JAG2: variants seen among roughly 807,000 people sequenced by gnomAD.
JAG2 encodes the protein protein jagged-2.
JAG2 carries 46 observed loss-of-function variants against 141.7 expected under a neutral mutation model. The ratio of observed to expected loss-of-function variants is 0.32; its 90% CI spans 0.26 to 0.42. The LOEUF (loss-of-function observed/expected upper bound fraction) is 0.42, where lower values mean the gene tolerates loss of function less well. Among genes scored for constraint, JAG2 ranks in the 10% least tolerant of loss-of-function variants. The pLI is 1.00. For missense variants in JAG2, 1,500 were observed against 1,817.5 expected, an observed-to-expected ratio of 0.83 and a Z score of 3.18; for synonymous variants, 862 against 763.5, an observed-to-expected ratio of 1.13 and a Z score of -2.13.
In JAG2 at chr14:105,159,421, G is replaced by A. The variant is rs587620457; in HGVS notation, c.418-1658C>T. Among the ~76,000 whole-genome samples, 4 of 151,606 alleles carry A rather than the reference G, an allele frequency of 2.6e-5. No individual in the cohort carries two copies. The East Asian group carries it at 7.8e-4, about 30-fold the overall frequency. ...CCCTTAAACCCGTTTTCCCACATCC[G>A]CCATGGCCCCGCCAGGCCACGGGGC... On this transcript the variant is annotated intron_variant, in intron 2 of 25. Transcript: ENST00000331782.
chr14:105,163,996 C>T (rs1006717362), intron 2 of JAG2, among the ~76,000 whole-genome samples: 2 of 152,108 alleles, frequency 1.3e-5, no homozygotes, highest in Admixed American at 1.3e-4. Flanking sequence ...CACCCCTTCA[C>T]TGGCCTAGCT....
In JAG2 at chr14:105,154,090, C is replaced by T. The variant is rs587605682; in HGVS notation, c.788+1472G>A. Among the ~76,000 whole-genome samples the T allele has an allele frequency of 7.9e-5, 12 of 152,250 alleles. No individual in the cohort carries two copies. Among genetic ancestry groups the T allele is most frequent in the African/African-American group, 2.9e-4 (12 of 41,532 alleles). On this transcript the variant is annotated intron_variant, in intron 5 of 25. Transcript: ENST00000331782. This position sits in a 1 kb window ranked among gnomAD's most constrained non-coding sequence, Gnocchi z 4.4. ...GGCCGGGAAAGCTCCTCACTGTACC[C>T]TCCAGGCCACTCAACCGTGGGGCCT... is the stretch of plus-strand genomic sequence containing the variant.
Position 105,161,393 on chromosome 14 carries a change from C to T in JAG2, c.418-3630G>A, listed in dbSNP as rs79841359. On this transcript the variant is annotated intron_variant, in intron 2 of 25. Transcript: ENST00000331782. ...GCAGGCAGAGAAAAGCCAGGCCACC[C>T]GGTCTCCCGGCACAGCCACACCTGG... Among the ~76,000 whole-genome samples the T allele has an allele frequency of 2.0e-3, 300 of 152,284 alleles. 1 individual carries two copies. The highest frequency in any genetic ancestry group is 6.5e-3 in the African/African-American group (271 of 41,538).
chr14:105,162,085 G>A (rs1475129232), intron 2 of JAG2, among the ~76,000 whole-genome samples: 1 of 152,178 alleles, frequency 6.6e-6, no homozygotes, highest in South Asian at 2.1e-4. Flanking sequence ...AATAGGCGAT[G>A]TGTGGGCTGG....
chr14:105,166,969 C>T (rs1888931190), intron 2 of JAG2, among the ~76,000 whole-genome samples: 1 of 152,156 alleles, frequency 6.6e-6, no homozygotes, highest in Non-Finnish European at 1.5e-5. Flanking sequence ...GGCCTGCCCA[C>T]CTACCACTAC....
rs758086700 is a variant in JAG2, at chr14:105,142,742, G to T, written c.3670C>A (p.Arg1224Ser). 1 of 1,609,356 alleles carries T rather than the reference G, an allele frequency of 6.2e-7. No homozygotes were observed. Among genetic ancestry groups the T allele is most frequent in the Non-Finnish European group, 8.5e-7 (1 of 1,178,536 alleles). The change falls in exon 26 of 26, where the codon CGC becomes AGC. Residue 1224 changes from arginine to serine, a missense_variant. Transcript: ENST00000331782. ...HWASGPKVDN[R>S]AVRSINEARY... ...GCCTCATTGATGCTCCTGACCGCGCGGTTGTCCACTTTGGGGCCTGAGGCC... is the reference window on the plus strand; with the variant it reads ...GCCTCATTGATGCTCCTGACCGCGCTGTTGTCCACTTTGGGGCCTGAGGCC...
Position 105,145,058 on chromosome 14 carries a change from T to C in JAG2, c.2956A>G (p.Thr986Ala). The change falls in exon 24 of 26, where the codon ACC (threonine) becomes GCC (alanine). Residue 986 changes from threonine (T) to alanine (A), a missense_variant. Thr to Ala is a moderately conservative substitution (Grantham distance 58). Around this residue, in one of 3 missense-constraint regions of JAG2, gnomAD observed 425 missense variants for 441.0 expected, o/e 0.96. Transcript: ENST00000331782. Reference protein sequence around the residue: ...HFNRDHVPQGTTVGAICSGIR... With the variant: ...HFNRDHVPQGATVGAICSGIR... ...CCGGAGCAAATGGCGCCCACCGTGG[T>C]GCCCTGGGCAGAGACAGGCAGTGCG... 6.2e-7 allele frequency: 1 copy of C among 1,609,872 alleles called. No homozygotes were observed. The highest frequency in any genetic ancestry group is 8.5e-7 in the Non-Finnish European group (1 of 1,179,732).
At chr14:105,160,530 C>T (rs958184108) in intron 2 of JAG2, among the ~76,000 whole-genome samples, 1 of 151,776 alleles carries the variant, frequency 6.6e-6, no homozygotes, top group African/African-American at 2.4e-5. Flanking sequence ...GCCAGCGGGG[C>T]TCGGGGAAAG....
At position 105,152,231 on chromosome 14, in the gene JAG2, C is replaced by T. The variant is rs764900500; in HGVS notation, c.849G>A (p.Val283=). 6.2e-7 allele frequency: 1 copy of T among 1,613,606 alleles called. No individual in the cohort carries two copies. Among genetic ancestry groups the T allele is most frequent in the Non-Finnish European group, 8.5e-7 (1 of 1,180,014 alleles). The change falls in exon 6 of 26, where the codon GTG becomes GTA. Residue 283 remains valine (V), a synonymous_variant. Transcript: ENST00000331782. The part of the protein sequence containing the change: ...CDECVPYPGC[V]HGSCVEPWQC... ...GCCAGGGCTCCACACAACTGCCATGCACGCAGCCGGGGTAGGGGACACACT... is the reference window on the plus strand; with the variant it reads ...GCCAGGGCTCCACACAACTGCCATGTACGCAGCCGGGGTAGGGGACACACT...
intron 2 of JAG2, among the ~76,000 whole-genome samples, chr14:105,165,564 G>A (rs1183821431): frequency 6.6e-6 from 1 of 152,190 alleles, no homozygotes; most frequent in African/African-American, 2.4e-5. Context: ...GACCAGCACA[G>A]ATCCATGACT....
chr14:105,152,106 C>A, intron 6 of JAG2, 49 bp from the exon 7 acceptor site: 1 of 1,613,396 alleles, frequency 6.2e-7, no homozygotes, highest in Non-Finnish European at 8.5e-7. Context: ...CCCCCGCTCC[C>A]CCACAACCCA....
chr14:105,167,328 A>G lies in JAG2; in HGVS notation c.417+429T>C, dbSNP rs937736791. 6.6e-6 allele frequency among the ~76,000 whole-genome samples: 1 copy of G among 151,990 alleles called. No individual in the cohort carries two copies. The highest frequency in any genetic ancestry group is 1.5e-5 in the Non-Finnish European group (1 of 67,944). Reference sequence around the variant, plus strand: ...GCCCCCCAGGCATCCAGGAAACTGCAGGGCAGGCGCAGGCTGGCCACGGGC... The same window carrying G: ...GCCCCCCAGGCATCCAGGAAACTGCGGGGCAGGCGCAGGCTGGCCACGGGC... On this transcript the variant is annotated intron_variant, in intron 2 of 25. Coordinates refer to ENST00000331782, the MANE Select transcript of JAG2 (RefSeq NM_002226.5). The surrounding 1 kb of genome is among the most constrained non-coding windows in gnomAD (Gnocchi z 4.8).
At chr14:105,144,798 A>G in intron 24 of JAG2, 132 bp downstream of exon 24, 3 of 1,201,956 alleles carry the variant, frequency 2.5e-6, no homozygotes, top group Non-Finnish European at 3.5e-6. Context: ...GAGGGGCCGC[A>G]GGGAGACAGG....
At chr14:105,168,172 G>C in intron 1 of JAG2, 65 bp from the exon 2 acceptor site, 8 of 1,370,856 alleles carry the variant, frequency 5.8e-6, no homozygotes, top group Non-Finnish European at 7.5e-6. Context: ...CGGGCGCCAG[G>C]GGTGGGGGAA....
At chr14:105,161,200 TGGGG>T in intron 2 of JAG2, among the ~76,000 whole-genome samples, 1 of 111,008 alleles carries the variant, frequency 9.0e-6, no homozygotes, top group South Asian at 3.2e-4. Flanking sequence ...GGTCTGTTGT[TGGGG>T]GTCTGAGTGA....
rs1355995302 is a variant in JAG2, at chr14:105,158,133, C to T, written c.418-370G>A. ...TGGCTGGAGTGGCCACAGACAGGGG[C>T]CCCATGGGCAGCCGGGACCCGAGCG... On this transcript the variant is annotated intron_variant, in intron 2 of 25. Coordinates refer to ENST00000331782, the MANE Select transcript of JAG2 (RefSeq NM_002226.5). Among the ~76,000 whole-genome samples, 3 of 152,150 alleles carry T rather than the reference C, an allele frequency of 2.0e-5. No individual in the cohort carries two copies. In the South Asian group the frequency reaches 6.2e-4, roughly 31 times the overall value.
chr14:105,165,554 G>A (rs1418820997), intron 2 of JAG2, among the ~76,000 whole-genome samples: 1 of 152,176 alleles, frequency 6.6e-6, no homozygotes, highest in East Asian at 1.9e-4. Context: ...CTGAGCCCGA[G>A]ACCAGCACAG....
intron 3 of JAG2, 132 bp from the exon 4 acceptor site, chr14:105,156,121 G>A (rs1888576424): frequency 8.3e-7 from 1 of 1,200,060 alleles, no homozygotes; most frequent in African/African-American, 1.5e-5. Flanking sequence ...AGCACACGGA[G>A]GGCAGGGCCC....
At chr14:105,151,900 T>C (rs1302723130) in intron 7 of JAG2, 38 bp downstream of exon 7, 2 of 1,612,316 alleles carry the variant, frequency 1.2e-6, no homozygotes, top group Admixed American at 1.7e-5. Context: ...AACCAGTCCC[T>C]GCCTGGCCAG....
Sources: allele counts gnomAD v4.1 joint callset (sites outside exome capture counted in the v4.1 genomes callset), GRCh38; gene constraint gnomAD v4.1.1; regional missense constraint gnomAD v4.1.1; non-coding constraint Gnocchi (gnomAD v3.1); transcripts MANE v1.5; gene names NCBI Gene and HGNC (gene_info 2026-07-23, HGNC 2026-07-21).